ERC2: variants seen among roughly 807,000 people sequenced by gnomAD.
ERC2 encodes the protein ERC protein 2.
In ERC2, 42 loss-of-function variants were observed where a neutral mutation model predicts 114.8. That is an observed-to-expected ratio of 0.37 (90% CI 0.29 to 0.47). The LOEUF (loss-of-function observed/expected upper bound fraction) is 0.47, where lower values mean the gene tolerates loss of function less well. ERC2 is among the 20% of genes least tolerant of loss of function. The pLI is 0.99. For missense variants in ERC2, 939 were observed against 1,150.7 expected, an observed-to-expected ratio of 0.82 and a Z score of 2.66; for synonymous variants, 454 against 425.5, an observed-to-expected ratio of 1.07 and a Z score of -0.82.
At chr3:55,532,944 A>C (rs149242334) in intron 17 of ERC2, among the ~76,000 whole-genome samples, 358 of 152,358 alleles carry the variant, frequency 2.3e-3, no homozygotes, top group African/African-American at 7.5e-3. Flanking sequence ...GAACAGGAAA[A>C]AAACAAACAA....
intron 17 of ERC2, among the ~76,000 whole-genome samples, chr3:55,568,402 A>C (rs1354719066): frequency 6.6e-6 from 1 of 152,190 alleles, no homozygotes; most frequent in Admixed American, 6.5e-5. Context: ...AATATGTCCA[A>C]ACCTGAGCTC....
chr3:55,810,169 T>G (rs2059659922), intron 14 of ERC2, among the ~76,000 whole-genome samples: 1 of 152,184 alleles, frequency 6.6e-6, no homozygotes, highest in African/African-American at 2.4e-5. Context: ...CCTGCTCCTT[T>G]TTTTTCTTTT....
chr3:56,082,885 T>C (rs1042057021), intron 6 of ERC2, among the ~76,000 whole-genome samples: 2 of 152,090 alleles, frequency 1.3e-5, no homozygotes, highest in African/African-American at 4.8e-5. Context: ...CCTAGATCCC[T>C]CACATGTGCA....
At chr3:56,066,283 T>C (rs151021714) in intron 7 of ERC2, among the ~76,000 whole-genome samples, 6 of 152,350 alleles carry the variant, frequency 3.9e-5, no homozygotes, top group African/African-American at 1.4e-4. Flanking sequence ...TGATTTGCAT[T>C]TCTCTAATGA....
At chr3:56,295,896 T>C (rs1401567569) in intron 3 of ERC2, 123 bp downstream of exon 3, 26 of 1,096,044 alleles carry the variant, frequency 2.4e-5, no homozygotes, top group Admixed American at 3.0e-5. Flanking sequence ...AGGAAGGTCA[T>C]AAAGCAGATG....
At chr3:56,335,919 C>T (rs1227888673) in intron 2 of ERC2, among the ~76,000 whole-genome samples, 3 of 151,918 alleles carry the variant, frequency 2.0e-5, no homozygotes, top group Admixed American at 1.3e-4. Context: ...AGCTTATGGT[C>T]TACAAGGAAA....
chr3:56,244,720 G>A (rs973852038), intron 3 of ERC2, among the ~76,000 whole-genome samples: 3 of 152,184 alleles, frequency 2.0e-5, no homozygotes, highest in Non-Finnish European at 4.4e-5. Context: ...AGCTAAAAAA[G>A]TTTAATAAAT....
chr3:55,529,759 A>T (rs973907945), intron 17 of ERC2, among the ~76,000 whole-genome samples: 1 of 152,218 alleles, frequency 6.6e-6, no homozygotes, highest in Admixed American at 6.5e-5. Flanking sequence ...CACACAGTCA[A>T]CTACTGCTCC....
chr3:56,241,517 C>T (rs1337628651), intron 3 of ERC2, among the ~76,000 whole-genome samples: 2 of 152,104 alleles, frequency 1.3e-5, no homozygotes, highest in African/African-American at 4.8e-5. Context: ...ATAAAACTAC[C>T]ATTCAACCCA....
At position 55,842,195 on chromosome 3, in the gene ERC2, G is replaced by A. The variant is rs140863610; in HGVS notation, c.2564+46194C>T. On this transcript the variant is annotated intron_variant, in intron 14 of 17. Coordinates refer to ENST00000288221, the MANE Select transcript of ERC2 (RefSeq NM_015576.3). ...ACAGTGAGTTAGTAGTGGTGAAAGTGGAAGTCAAACTCAGGTTGGCTAATT... is the reference window on the plus strand; with the variant it reads ...ACAGTGAGTTAGTAGTGGTGAAAGTAGAAGTCAAACTCAGGTTGGCTAATT... 2.6e-5 allele frequency among the ~76,000 whole-genome samples: 4 copies of A among 152,256 alleles called. No homozygotes were observed. The East Asian group carries it at 5.8e-4, about 22-fold the overall frequency.
intron 12 of ERC2, among the ~76,000 whole-genome samples, chr3:55,974,623 A>G (rs2069436513): frequency 6.6e-6 from 1 of 152,210 alleles, no homozygotes; most frequent in Non-Finnish European, 1.5e-5. Flanking sequence ...TTAAGCAGGC[A>G]GAAGGATGGA....
chr3:55,992,139 C>G lies in ERC2; in HGVS notation c.2173G>C (p.Glu725Gln), dbSNP rs776142715. ...YRDECGKAQA[E>Q]VDRLLEILKE... The stretch of plus-strand genomic sequence containing the variant: ...AGGATCTCCAGCAACCGGTCCACTT[C>G]CGCTTGGGCCTTGCCACACTCGTCG... Residue 725 changes from glutamate (E) to glutamine (Q), a missense_variant, in exon 11 of 18, where the codon GAA (glutamate) becomes CAA (glutamine). By Grantham distance (29) the Glu-to-Gln change is conservative. Around this residue, in one of 5 missense-constraint regions of ERC2, gnomAD observed 328 missense variants for 353.9 expected, o/e 0.93. Transcript: ENST00000288221. 16 of 1,613,864 alleles carry G rather than the reference C, an allele frequency of 9.9e-6. No individual in the cohort carries two copies. Among genetic ancestry groups the G allele is most frequent in the Non-Finnish European group, 1.7e-6 (2 of 1,179,908 alleles).
intron 4 of ERC2, among the ~76,000 whole-genome samples, chr3:56,157,079 A>G (rs1462584667): frequency 6.6e-6 from 1 of 152,196 alleles, no homozygotes; most frequent in Non-Finnish European, 1.5e-5. Context: ...AGACTTACAG[A>G]TGGTAAATAA....
At chr3:55,908,323 T>C (rs2064587773) in intron 13 of ERC2, among the ~76,000 whole-genome samples, 1 of 151,884 alleles carries the variant, frequency 6.6e-6, no homozygotes, top group African/African-American at 2.4e-5. Flanking sequence ...GAATGATCAG[T>C]TTTGAGGCCT....
chr3:55,551,218 G>A (rs551619010), intron 17 of ERC2, among the ~76,000 whole-genome samples: 1 of 151,844 alleles, frequency 6.6e-6, no homozygotes, highest in Admixed American at 6.6e-5. Flanking sequence ...TGGAGGGAGA[G>A]AGATTTATCT....
chr3:56,449,348 C>G (rs1180889628), intron 1 of ERC2, among the ~76,000 whole-genome samples: 1 of 152,132 alleles, frequency 6.6e-6, no homozygotes, highest in Non-Finnish European at 1.5e-5. Context: ...CAGGTGGGCA[C>G]CTGCATTGGT....
chr3:55,943,370 G>A (rs1361351364), intron 13 of ERC2, among the ~76,000 whole-genome samples: 1 of 152,108 alleles, frequency 6.6e-6, no homozygotes, highest in Non-Finnish European at 1.5e-5. Context: ...AGAAGATATA[G>A]ATGCTCCCAA....
intron 3 of ERC2, among the ~76,000 whole-genome samples, chr3:56,254,180 T>C (rs1033326807): frequency 1.3e-5 from 2 of 152,348 alleles, no homozygotes; most frequent in Non-Finnish European, 2.9e-5. Flanking sequence ...ATTTTCCCCA[T>C]GGATTGCTGC....
chr3:56,265,381 T>G (rs772251957), intron 3 of ERC2, among the ~76,000 whole-genome samples: 2 of 152,126 alleles, frequency 1.3e-5, no homozygotes, highest in Non-Finnish European at 2.9e-5. Context: ...TAAATGCTAT[T>G]GGGGAAACTG....
Sources: gnomAD v4.1 joint callset for allele counts (sites outside exome capture counted in the v4.1 genomes callset) on GRCh38, gnomAD v4.1.1 for gene constraint, gnomAD v4.1.1 regional missense constraint, MANE v1.5 for transcripts, NCBI Gene and HGNC (gene_info 2026-07-23, HGNC 2026-07-21) for gene names.